ERC2: variants seen among roughly 807,000 people sequenced by gnomAD.
ERC2 encodes the protein ELKS/RAB6-interacting/CAST family member 2, also known as ERC protein 2.
Under a neutral mutation model 114.8 loss-of-function variants are expected in ERC2, and 42 were observed. The observed-to-expected ratio is 0.37, with a 90% confidence interval of 0.29 to 0.47. ERC2 has a LOEUF of 0.47. Among genes scored for constraint, ERC2 ranks in the 20% least tolerant of loss-of-function variants. The pLI is 0.99. For synonymous variants in ERC2, 454 were observed against 425.5 expected, an observed-to-expected ratio of 1.07 and a Z score of -0.82; for missense variants, 939 against 1,150.7, an observed-to-expected ratio of 0.82 and a Z score of 2.66.
At chr3:55,843,548 T>C (rs141684976) in intron 14 of ERC2, among the ~76,000 whole-genome samples, 18 of 152,370 alleles carry the variant, frequency 1.2e-4, no homozygotes, top group African/African-American at 4.1e-4. Context: ...AAAAGTGTGA[T>C]TTATTGTCAT....
chr3:56,270,595 T>C (rs1467956827), intron 3 of ERC2, among the ~76,000 whole-genome samples: 1 of 152,230 alleles, frequency 6.6e-6, no homozygotes, highest in African/African-American at 2.4e-5. Flanking sequence ...CCCACCAGCA[T>C]GGCAGGCTAT....
At chr3:56,344,487 A>G (rs2058229202) in intron 2 of ERC2, among the ~76,000 whole-genome samples, 1 of 152,198 alleles carries the variant, frequency 6.6e-6, no homozygotes, top group African/African-American at 2.4e-5. Flanking sequence ...GTGAAGAGCC[A>G]GGAGCCAGGA....
At chr3:55,558,752 T>C (rs1003710999) in intron 17 of ERC2, among the ~76,000 whole-genome samples, 7 of 152,222 alleles carry the variant, frequency 4.6e-5, no homozygotes, top group African/African-American at 9.6e-5. Flanking sequence ...GGTATGTTTT[T>C]AATATGCGCC....
rs191329442 is a variant in ERC2 at position 56,071,052 on chromosome 3, C to T, written c.1641+9765G>A. 2.6e-4 allele frequency among the ~76,000 whole-genome samples: 40 copies of T among 152,262 alleles called. 1 individual carries two copies. In the East Asian group the frequency reaches 6.8e-3, roughly 26 times the overall value. On this transcript the variant is annotated intron_variant, in intron 7 of 17. Transcript: ENST00000288221. ...TGATAGAGCACACATCATCTACAGT[C>T]CTGTAACTTGCCTATTTAGTAATTT...
chr3:56,306,495 C>G (rs1455438648), intron 2 of ERC2, among the ~76,000 whole-genome samples: 1 of 152,110 alleles, frequency 6.6e-6, no homozygotes, highest in Non-Finnish European at 1.5e-5. Flanking sequence ...GAAGTAAAAA[C>G]AGAGAATATA....
chr3:55,607,351 C>T (rs1379219435), intron 17 of ERC2, among the ~76,000 whole-genome samples: 4 of 152,130 alleles, frequency 2.6e-5, no homozygotes, highest in African/African-American at 9.7e-5. Context: ...GCCTGGAGAA[C>T]CCATGGAGTT....
chr3:55,633,116 G>A (rs1196260608), intron 17 of ERC2, among the ~76,000 whole-genome samples: 1 of 152,170 alleles, frequency 6.6e-6, no homozygotes, highest in African/African-American at 2.4e-5. Flanking sequence ...TCTAGGATAA[G>A]TAACCAATGT....
intron 17 of ERC2, among the ~76,000 whole-genome samples, 195 bp downstream of exon 17, chr3:55,683,599 T>G (rs2062167341): frequency 6.6e-6 from 1 of 152,014 alleles, no homozygotes; most frequent in African/African-American, 2.4e-5. Flanking sequence ...AATGTGGTTG[T>G]GGGGTGGGGA....
intron 17 of ERC2, among the ~76,000 whole-genome samples, chr3:55,637,068 C>G (rs1297692441): frequency 6.6e-6 from 1 of 152,212 alleles, no homozygotes; most frequent in African/African-American, 2.4e-5. Context: ...CTCCTGGGGA[C>G]TGGCCCATCC....
intron 3 of ERC2, among the ~76,000 whole-genome samples, chr3:56,206,059 C>T (rs942654700): frequency 2.0e-5 from 3 of 152,096 alleles, no homozygotes; most frequent in African/African-American, 7.2e-5. Context: ...CATTGCTGAG[C>T]CCTCACTACT....
chr3:56,444,087 C>A (rs913229996), intron 1 of ERC2, among the ~76,000 whole-genome samples: 4 of 150,610 alleles, frequency 2.7e-5, no homozygotes, highest in Non-Finnish European at 4.4e-5. Flanking sequence ...CTCAGCCTCC[C>A]CAGTAGCTGG....
chr3:56,164,159 GA>G (rs1370185127), intron 4 of ERC2, among the ~76,000 whole-genome samples: 3 of 151,896 alleles, frequency 2.0e-5, no homozygotes, highest in African/African-American at 7.2e-5. Flanking sequence ...CCCTTTTAAA[GA>G]GTATAATTTA....
chr3:55,812,352 T>A (rs1171030520), intron 14 of ERC2, among the ~76,000 whole-genome samples: 1 of 152,184 alleles, frequency 6.6e-6, no homozygotes, highest in Non-Finnish European at 1.5e-5. Context: ...GAGCAAGTAT[T>A]CTGAGGTTGG....
chr3:56,403,502 A>G (rs915996072), intron 2 of ERC2, among the ~76,000 whole-genome samples: 3 of 152,206 alleles, frequency 2.0e-5, no homozygotes, highest in Admixed American at 6.5e-5. Flanking sequence ...GCAGTGTTCC[A>G]TTGGACAGAG....
At chr3:56,065,587 G>A (rs539997836) in intron 7 of ERC2, among the ~76,000 whole-genome samples, 61 of 151,864 alleles carry the variant, frequency 4.0e-4, no homozygotes, top group African/African-American at 1.2e-3. Flanking sequence ...CAGGTTTGTT[G>A]CATAGGTTAA....
intron 3 of ERC2, among the ~76,000 whole-genome samples, chr3:56,249,832 C>G (rs1349748399): frequency 6.6e-6 from 1 of 150,444 alleles, no homozygotes; most frequent in Non-Finnish European, 1.5e-5. Context: ...ATAAACCACA[C>G]TCACAAAATC....
intron 3 of ERC2, among the ~76,000 whole-genome samples, chr3:56,275,757 T>A (rs1427427949): frequency 6.6e-6 from 1 of 152,218 alleles, no homozygotes; most frequent in Non-Finnish European, 1.5e-5. Flanking sequence ...TTTGAATCAG[T>A]GGTTTTTCAA....
intron 17 of ERC2, chr3:55,658,508 G>A (rs2060976602): frequency 1.3e-5 from 2 of 152,312 alleles, no homozygotes; most frequent in South Asian, 4.1e-4. Context: ...ACATAGTGCT[G>A]GGTGAAGGGT....
At chr3:55,617,243 G>GCA (rs2148586094) in intron 17 of ERC2, among the ~76,000 whole-genome samples, 1 of 152,092 alleles carries the variant, frequency 6.6e-6, no homozygotes, top group South Asian at 2.1e-4. Context: ...TTTCCAGTGC[G>GCA]CCTCTACCTT....
Sources: allele counts gnomAD v4.1 joint callset (sites outside exome capture counted in the v4.1 genomes callset), GRCh38; gene constraint gnomAD v4.1.1; transcripts MANE v1.5; gene names NCBI Gene and HGNC (gene_info 2026-07-23, HGNC 2026-07-21).